STAT1: variants seen among roughly 807,000 people sequenced by gnomAD.
STAT1 encodes the protein signal transducer and activator of transcription 1, also known as signal transducer and activator of transcription 1-alpha/beta.
Under a neutral mutation model 111.7 loss-of-function variants are expected in STAT1, and 24 were observed. The observed-to-expected ratio is 0.21, with a 90% CI of 0.16 to 0.30. The LOEUF (loss-of-function observed/expected upper bound fraction) is 0.30, where lower values mean the gene tolerates loss of function less well. Ranked by LOEUF, STAT1 falls within the 10% of genes least tolerant of loss-of-function variation. The pLI is 1.00. For synonymous variants in STAT1, 332 were observed against 326.5 expected, an observed-to-expected ratio of 1.02 and a Z score of -0.18; for missense variants, 351 against 911.9, an observed-to-expected ratio of 0.38 and a Z score of 7.92.
rs554765236 is a variant in STAT1, at chr2:190,979,174, A to T, written c.1728-173T>A. Among the ~76,000 whole-genome samples the T allele has an allele frequency of 6.6e-6, 1 of 152,360 alleles. No homozygotes were observed. Among genetic ancestry groups the T allele is most frequent in the East Asian group, 1.9e-4 (1 of 5,192 alleles). ...ACACTTAAGGAAGCATTTCACTTAT[A>T]CATGTATATACTAAGGTTTTAAAAA... On this transcript the variant is annotated intron_variant, in intron 20 of 24. Transcript: ENST00000361099. The surrounding 1 kb of genome is among the most constrained non-coding windows in gnomAD (Gnocchi z 5.8).
intron 24 of STAT1, among the ~76,000 whole-genome samples, chr2:190,972,819 GTGT>G (rs1691605740): frequency 4.1e-5 from 4 of 97,464 alleles, no homozygotes; most frequent in African/African-American, 1.1e-4. Context: ...TATAGAGGGT[GTGT>G]GTGTGTGTGT....
At chr2:190,991,172 TA>T in intron 11 of STAT1, 55 bp downstream of exon 11, 1 of 1,551,562 alleles carries the variant, frequency 6.4e-7, no homozygotes, top group Non-Finnish European at 8.9e-7. Flanking sequence ...AAAAGGAAAC[TA>T]GGGGTACAAA....
In STAT1 at chr2:190,998,071, T is replaced by A; in HGVS notation, c.634-64A>T. On this transcript the variant is annotated intron_variant, in intron 8 of 24. Coordinates refer to ENST00000361099, the MANE Select transcript of STAT1 (RefSeq NM_007315.4). This position sits in a 1 kb window ranked among gnomAD's most constrained non-coding sequence, Gnocchi z 4.1. ...TTTTAATCACTGAATTTTAAAATAT[T>A]TTTTAAAAGAAAAGCAAATATCATT... 1 of 1,585,408 alleles carries A rather than the reference T, an allele frequency of 6.3e-7. No homozygotes were observed.
chr2:190,969,889 G>T lies in STAT1; in HGVS notation c.*814C>A, dbSNP rs907349445. On this transcript the variant is annotated 3_prime_UTR_variant, in exon 25 of 25. Coordinates refer to ENST00000361099, the MANE Select transcript of STAT1 (RefSeq NM_007315.4). ...TTTCAACTTTTGAATGAGTGGTTGT[G>T]AATAGCCTAACTCCCTTGGGAGAAC... 6.6e-6 allele frequency: 1 copy of T among 152,190 alleles called. No homozygotes were observed. Among genetic ancestry groups the T allele is most frequent in the Non-Finnish European group, 1.5e-5 (1 of 68,022 alleles). The allele number at this position is 152,190 out of a possible 1,614,324, so 9.4% of individuals were successfully genotyped here.
Position 191,007,722 on chromosome 2 carries a change from A to G in STAT1, c.274-61T>C. ...ATGCAGAATGTTTACTTTATTGTGT[A>G]TTGTAAGTTGATATGAATTTGTTTA... On this transcript the variant is annotated intron_variant, in intron 4 of 24. Transcript: ENST00000361099. The surrounding 1 kb of genome is among the most constrained non-coding windows in gnomAD (Gnocchi z 4.2). 2.4e-6 allele frequency: 3 copies of G among 1,231,398 alleles called. No individual in the cohort carries two copies. The highest frequency in any genetic ancestry group is 3.6e-6 in the Non-Finnish European group (3 of 837,324). The allele number at this position is 1,231,398 out of a possible 1,614,324, so 76.3% of individuals were successfully genotyped here.
rs1691296101 is a variant in STAT1, at chr2:190,969,539, TATA to T, written c.*1161_*1163del. The T allele has an allele frequency of 6.6e-6, 1 of 152,120 alleles. No homozygotes were observed. Among genetic ancestry groups the T allele is most frequent in the South Asian group, 2.1e-4 (1 of 4,824 alleles). The allele number at this position is 152,120 out of a possible 1,614,324, so 9.4% of individuals were successfully genotyped here. A position where few individuals can be genotyped will look rare whatever the true frequency, so the allele number is the denominator to read the frequency against. ...AGGAAGGAAAAAGGTAAAAATACAG[TATA>T]CTTCACGAAACATCATCCACTCAAA... On this transcript the variant is annotated 3_prime_UTR_variant, in exon 25 of 25. Coordinates refer to ENST00000361099, the MANE Select transcript of STAT1 (RefSeq NM_007315.4).
Position 190,980,761 on chromosome 2 carries a change from A to G in STAT1, c.1583-92T>C, listed in dbSNP as rs541489484. 1.5e-6 allele frequency: 2 copies of G among 1,291,586 alleles called. No homozygotes were observed. The highest frequency in any genetic ancestry group is 1.2e-5 in the South Asian group (1 of 82,314). 80.0% of individuals were successfully genotyped at this position (1,291,586 alleles called of 1,614,324 possible). A position where few individuals can be genotyped will look rare whatever the true frequency, so the allele number is the denominator to read the frequency against. On this transcript the variant is annotated intron_variant, in intron 18 of 24. Transcript: ENST00000361099. The surrounding 1 kb of genome is among the most constrained non-coding windows in gnomAD (Gnocchi z 6.1). ...GGCTCTTGTATTTGCTCTCAAGGAA[A>G]AGAGCCAAACACCCAACAAAGATTG...
At position 190,976,711 on chromosome 2, in the gene STAT1, A is replaced by G. The variant is rs539705106; in HGVS notation, c.2059+129T>C. 3.8e-6 allele frequency: 3 copies of G among 785,256 alleles called. No individual in the cohort carries two copies. The highest frequency in any genetic ancestry group is 6.7e-6 in the Non-Finnish European group (3 of 450,518). The allele number at this position is 785,256 out of a possible 1,614,324, so 48.6% of individuals were successfully genotyped here. A position where few individuals can be genotyped will look rare whatever the true frequency, so the allele number is the denominator to read the frequency against. The stretch of plus-strand genomic sequence containing the variant: ...ATTATGTTTCACCTGCACTGAGTTT[A>G]TGCCATCTTTTGAAAGCCTACTCTT... On this transcript the variant is annotated intron_variant, in intron 22 of 24. Transcript: ENST00000361099. The surrounding 1 kb of genome is among the most constrained non-coding windows in gnomAD (Gnocchi z 6.0).
chr2:190,988,913 G>T (rs1358829137), intron 12 of STAT1, among the ~76,000 whole-genome samples: 3 of 152,048 alleles, frequency 2.0e-5, no homozygotes, highest in East Asian at 1.9e-4. Context: ...GGAGGGGTGG[G>T]GGGGGAGCCA....
At position 190,975,787 on chromosome 2, in the gene STAT1, A is replaced by G; in HGVS notation, c.2135+25T>C. The G allele has an allele frequency of 6.2e-7, 1 of 1,614,062 alleles. No individual in the cohort carries two copies. The highest frequency in any genetic ancestry group is 8.5e-7 in the Non-Finnish European group (1 of 1,179,992). On this transcript the variant is annotated intron_variant, in intron 23 of 24. Transcript: ENST00000361099. The surrounding 1 kb of genome is among the most constrained non-coding windows in gnomAD (Gnocchi z 5.9). ...CAAGGCTGGCTTGAGGTTTGTAAAC[A>G]TGTCACTCTTCTGTGTTCACTTACA...
rs1027064627 is a variant in STAT1 at position 190,973,945 on chromosome 2, C to A, written c.2238+885G>T. Among the ~76,000 whole-genome samples the A allele has an allele frequency of 1.2e-4, 19 of 152,180 alleles. No individual in the cohort carries two copies. The highest frequency in any genetic ancestry group is 4.3e-4 in the African/African-American group (18 of 41,432). On this transcript the variant is annotated intron_variant, in intron 24 of 24. Transcript: ENST00000361099. The surrounding 1 kb of genome is among the most constrained non-coding windows in gnomAD (Gnocchi z 4.4). ...AGTGACGCCCTCTCATTCTCGCTCA[C>A]CTTTCCCCTCCCTGCCTTCCTCTCT...
chr2:190,987,420 A>G lies in STAT1; in HGVS notation c.1098-352T>C, dbSNP rs1692942181. Among the ~76,000 whole-genome samples, 1 of 152,192 alleles carries G rather than the reference A, an allele frequency of 6.6e-6. No homozygotes were observed. Among genetic ancestry groups the G allele is most frequent in the South Asian group, 2.1e-4 (1 of 4,830 alleles). On this transcript the variant is annotated intron_variant, in intron 12 of 24. Transcript: ENST00000361099. This position sits in a 1 kb window ranked among gnomAD's most constrained non-coding sequence, Gnocchi z 4.0. Reference sequence around the variant, plus strand: ...GCACCAGCACCAGTACACCCTCAATAAATGTTTAAGCTATCGTTATTGTTT... The same window carrying G: ...GCACCAGCACCAGTACACCCTCAATGAATGTTTAAGCTATCGTTATTGTTT...
rs1472426763 is a variant in STAT1 at position 190,999,981 on chromosome 2, C to T, written c.463-277G>A. 6.6e-6 allele frequency among the ~76,000 whole-genome samples: 1 copy of T among 152,148 alleles called. No individual in the cohort carries two copies. Among genetic ancestry groups the T allele is most frequent in the Non-Finnish European group, 1.5e-5 (1 of 68,034 alleles). On this transcript the variant is annotated intron_variant, in intron 6 of 24. Coordinates refer to ENST00000361099, the MANE Select transcript of STAT1 (RefSeq NM_007315.4). The surrounding 1 kb of genome is among the most constrained non-coding windows in gnomAD (Gnocchi z 4.1). ...TTCCAGCGCCTAAATTTTGATTCTT[C>T]CTCATCATTTTTGAGACTACCTCTG...
Position 190,982,337 on chromosome 2 carries a change from T to C in STAT1, c.1582+46A>G. 1.9e-6 allele frequency: 3 copies of C among 1,608,190 alleles called. No individual in the cohort carries two copies. Among genetic ancestry groups the C allele is most frequent in the East Asian group, 2.2e-5 (1 of 44,822 alleles). On this transcript the variant is annotated intron_variant, in intron 18 of 24. Transcript: ENST00000361099. This position sits in a 1 kb window ranked among gnomAD's most constrained non-coding sequence, Gnocchi z 7.3. ...AAAAGAGCAATTAGAGAGATATTTT[T>C]ATGAATTTCAATTTTTATAAACATA...
rs36116009 is a variant in STAT1 at position 190,998,914 on chromosome 2, T to C, written c.542-606A>G. ...TAGCTTTCAAAGAGAAGTAGATGAGTAGGAAGTGGTAGTTGAAGTTGCTGT... is the reference window on the plus strand; with the variant it reads ...TAGCTTTCAAAGAGAAGTAGATGAGCAGGAAGTGGTAGTTGAAGTTGCTGT... On this transcript the variant is annotated intron_variant, in intron 7 of 24. Coordinates refer to ENST00000361099, the MANE Select transcript of STAT1 (RefSeq NM_007315.4). This position sits in a 1 kb window ranked among gnomAD's most constrained non-coding sequence, Gnocchi z 4.1. 0.059 allele frequency among the ~76,000 whole-genome samples: 8,936 copies of C among 151,690 alleles called. 310 individuals are homozygous for C. Among genetic ancestry groups the C allele is most frequent in the Middle Eastern group, 0.13 (37 of 292 alleles).
chr2:191,013,240 G>A (rs1309426985), intron 2 of STAT1, among the ~76,000 whole-genome samples: 1 of 152,208 alleles, frequency 6.6e-6, no homozygotes, highest in African/African-American at 2.4e-5. Flanking sequence ...GGACTGTGCT[G>A]GAGGCTCAAG....
rs1456649812 is a variant in STAT1 at position 190,980,367 on chromosome 2, G to GT, written c.1632+252dup. On this transcript the variant is annotated intron_variant, in intron 19 of 24. Transcript: ENST00000361099. This position sits in a 1 kb window ranked among gnomAD's most constrained non-coding sequence, Gnocchi z 6.1. ...AAACACTGCTGGGCAGGGGTCCAGC[G>GT]TGAGTGAACAGAAGCCTCATTTCAG... Among the ~76,000 whole-genome samples, 1 of 152,244 alleles carries GT rather than the reference G, an allele frequency of 6.6e-6. No homozygotes were observed. Among genetic ancestry groups the GT allele is most frequent in the Non-Finnish European group, 1.5e-5 (1 of 68,050 alleles).
chr2:190,998,162 A>G lies in STAT1; in HGVS notation c.633+55T>C, dbSNP rs909729821. On this transcript the variant is annotated intron_variant, in intron 8 of 24. Coordinates refer to ENST00000361099, the MANE Select transcript of STAT1 (RefSeq NM_007315.4). The surrounding 1 kb of genome is among the most constrained non-coding windows in gnomAD (Gnocchi z 4.1). ...TTCCTCTCTTCTAAACTTTGAGTCC[A>G]TTATTTACAGTGTATAACAAAAGTG... The G allele has an allele frequency of 6.3e-7, 1 of 1,575,354 alleles. No individual in the cohort carries two copies. The highest frequency in any genetic ancestry group is 2.2e-5 in the East Asian group (1 of 44,706).
chr2:190,982,594 C>T lies in STAT1; in HGVS notation c.1447-76G>A. 1 of 1,528,356 alleles carries T rather than the reference C, an allele frequency of 6.5e-7. No individual in the cohort carries two copies. The highest frequency in any genetic ancestry group is 9.1e-7 in the Non-Finnish European group (1 of 1,102,678). The allele number at this position is 1,528,356 out of a possible 1,614,324, so 94.7% of individuals were successfully genotyped here. The stretch of plus-strand genomic sequence containing the variant: ...CAAGTGTGGCACTAAAACATATGTC[C>T]ATCCCAAAGTTCAATTCTAGTTTAT... On this transcript the variant is annotated intron_variant, in intron 17 of 24. Coordinates refer to ENST00000361099, the MANE Select transcript of STAT1 (RefSeq NM_007315.4). This position sits in a 1 kb window ranked among gnomAD's most constrained non-coding sequence, Gnocchi z 7.3.
Sources: gnomAD v4.1 joint callset for allele counts (sites outside exome capture counted in the v4.1 genomes callset) on GRCh38, gnomAD v4.1.1 for gene constraint, Gnocchi (gnomAD v3.1) non-coding constraint, MANE v1.5 for transcripts, NCBI Gene and HGNC (gene_info 2026-07-23, HGNC 2026-07-21) for gene names.